Variants in MGAT4C observed in about 807,000 individuals in gnomAD.
MGAT4C encodes alpha-1,3-mannosyl-glycoprotein 4-beta-N-acetylglucosaminyltransferase C.
Under a neutral mutation model 40.1 loss-of-function variants are expected in MGAT4C, and 19 were observed. The ratio of observed to expected loss-of-function variants is 0.47; its 90% CI spans 0.33 to 0.70. MGAT4C has a LOEUF of 0.70. MGAT4C is among the 30% of genes least tolerant of loss of function. MGAT4C has a pLI of 0.02. For synonymous variants in MGAT4C, 181 were observed against 187.1 expected, an observed-to-expected ratio of 0.97 and a Z score of 0.27; for missense variants, 491 against 563.2, an observed-to-expected ratio of 0.87 and a Z score of 1.30.
At chr12:86,346,632 C>T (rs887970205) in intron 3 of MGAT4C, among the ~76,000 whole-genome samples, 9 of 152,286 alleles carry the variant, frequency 5.9e-5, no homozygotes, top group African/African-American at 2.2e-4. Context: ...GCTTTCAATT[C>T]TCACATTGGA....
chr12:86,383,095 T>C (rs554953540), intron 3 of MGAT4C, among the ~76,000 whole-genome samples: 1 of 152,292 alleles, frequency 6.6e-6, no homozygotes, highest in African/African-American at 2.4e-5. Flanking sequence ...CTTGAAAAGC[T>C]ACAGACATTC....
intron 1 of MGAT4C, among the ~76,000 whole-genome samples, chr12:86,184,786 G>A (rs1888561860): frequency 6.9e-6 from 1 of 145,224 alleles, no homozygotes; most frequent in Non-Finnish European, 1.5e-5. Flanking sequence ...CATTGTTTTG[G>A]ACCAGCCTCC....
At chr12:86,448,048 C>G (rs1957369251) in intron 2 of MGAT4C, among the ~76,000 whole-genome samples, 1 of 152,022 alleles carries the variant, frequency 6.6e-6, no homozygotes. Context: ...ACAGGTCAGG[C>G]CAGAAGGTAA....
At chr12:86,031,000 C>T (rs1890710237) in intron 2 of MGAT4C, among the ~76,000 whole-genome samples, 1 of 151,692 alleles carries the variant, frequency 6.6e-6, no homozygotes, top group African/African-American at 2.4e-5. Context: ...AAGCATAAAA[C>T]ACATATAATC....
At chr12:86,367,833 A>C (rs1017603383) in intron 3 of MGAT4C, among the ~76,000 whole-genome samples, 5 of 151,772 alleles carry the variant, frequency 3.3e-5, no homozygotes, top group Non-Finnish European at 5.9e-5. Context: ...CAAACAAAAA[A>C]CAACAACAAC....
At chr12:86,825,594 C>T (rs1172345929) in intron 1 of MGAT4C, among the ~76,000 whole-genome samples, 1 of 151,322 alleles carries the variant, frequency 6.6e-6, no homozygotes, top group Non-Finnish European at 1.5e-5. Context: ...TACACAGATA[C>T]ATTTGTAGGA....
At chr12:86,713,130 A>G (rs1196409329) in intron 2 of MGAT4C, among the ~76,000 whole-genome samples, 1 of 152,022 alleles carries the variant, frequency 6.6e-6, no homozygotes, top group Non-Finnish European at 1.5e-5. Context: ...CATGCTATTT[A>G]TACAATTACA....
At chr12:86,560,714 TATA>T (rs148811767) in intron 2 of MGAT4C, among the ~76,000 whole-genome samples, 4,147 of 152,252 alleles carry the variant, frequency 0.027, 151 homozygotes, top group African/African-American at 0.086. Context: ...ACACATTTTT[TATA>T]ATAACTGGAA....
At chr12:86,332,436 A>C (rs1454036832) in intron 4 of MGAT4C, among the ~76,000 whole-genome samples, 1 of 151,914 alleles carries the variant, frequency 6.6e-6, no homozygotes, top group African/African-American at 2.4e-5. Flanking sequence ...AAAAGAAAAA[A>C]AAAGCCCCAA....
rs548125443 is a variant in MGAT4C, at chr12:86,687,438, A to G, written c.-229+39771T>C. On this transcript the variant is annotated intron_variant, in intron 2 of 7. Transcript: ENST00000548651. ...TTTTAAGTGTGATGTTAGGGTGTCA[A>G]TTTTAGATCTTTCCCACTTTCTCAT... Among the ~76,000 whole-genome samples the G allele has an allele frequency of 4.6e-5, 7 of 152,176 alleles. No homozygotes were observed. The East Asian group carries it at 1.2e-3, about 25-fold the overall frequency.
chr12:86,119,677 G>A (rs1879046881), intron 1 of MGAT4C, among the ~76,000 whole-genome samples: 1 of 150,898 alleles, frequency 6.6e-6, no homozygotes, highest in South Asian at 2.1e-4. Context: ...CCAAAGTGCT[G>A]GAATTACAGC....
At chr12:86,226,008 C>A (rs889180252) in intron 1 of MGAT4C, among the ~76,000 whole-genome samples, 1 of 151,772 alleles carries the variant, frequency 6.6e-6, no homozygotes, top group African/African-American at 2.4e-5. Flanking sequence ...AATTGTATCT[C>A]TTCACTGGGA....
At chr12:85,997,948 C>A (rs561957536) in intron 2 of MGAT4C, among the ~76,000 whole-genome samples, 1 of 152,304 alleles carries the variant, frequency 6.6e-6, no homozygotes, top group African/African-American at 2.4e-5. Context: ...GGCTCTGACC[C>A]CACATTTCCC....
chr12:86,456,654 G>T (rs1049686208), intron 2 of MGAT4C, among the ~76,000 whole-genome samples: 1 of 152,004 alleles, frequency 6.6e-6, no homozygotes, highest in East Asian at 1.9e-4. Context: ...TTTGGCTCAG[G>T]ATATGTCGAC....
chr12:86,789,816 T>C (rs1951993827), intron 1 of MGAT4C, among the ~76,000 whole-genome samples: 1 of 152,122 alleles, frequency 6.6e-6, no homozygotes. Flanking sequence ...TAGATTAACT[T>C]ATAACTTTAC....
chr12:86,326,826 C>T (rs1009331218), intron 4 of MGAT4C, among the ~76,000 whole-genome samples: 8 of 151,976 alleles, frequency 5.3e-5, no homozygotes, highest in Middle Eastern at 3.4e-3. Flanking sequence ...AATATTTTAA[C>T]TAAAAAAAGT....
chr12:86,668,706 G>A (rs1383129007), intron 2 of MGAT4C, among the ~76,000 whole-genome samples: 1 of 152,204 alleles, frequency 6.6e-6, no homozygotes, highest in South Asian at 2.1e-4. Flanking sequence ...AGGTGCCTCA[G>A]CAGTAGATGG....
chr12:86,259,901 T>A (rs77486506), upstream of MGAT4C, among the ~76,000 whole-genome samples: 1 of 3,314 alleles, frequency 3.0e-4, no homozygotes, highest in Admixed American at 3.1e-3. Flanking sequence ...AGTCTTATTT[T>A]GTTTTTTCCT....
At chr12:86,012,969 A>T (rs939851818) in intron 2 of MGAT4C, among the ~76,000 whole-genome samples, 32 of 51,394 alleles carry the variant, frequency 6.2e-4, no homozygotes, top group African/African-American at 2.3e-3. Context: ...ACGAAAATTA[A>T]AAAAAAAAAA....
Sources: allele counts gnomAD v4.1 joint callset (sites outside exome capture counted in the v4.1 genomes callset), GRCh38; gene constraint gnomAD v4.1.1; transcripts MANE v1.5; gene names NCBI Gene and HGNC (gene_info 2026-07-23, HGNC 2026-07-21).